Variants in IGBP1C observed in about 807,000 individuals in gnomAD.
The protein encoded by IGBP1C is IGBP1 family member C, also known as immunoglobulin-binding protein 1 family member C.
At chr17:58,687,765 C>T in the IGBP1C span, among the ~76,000 whole-genome samples, 1 of 152,158 alleles carries the variant, frequency 6.6e-6, no homozygotes, top group African/African-American at 2.4e-5. Flanking sequence ...GAAAATGTCT[C>T]GTTATTGGAA....
At chr17:58,661,504 A>G in the IGBP1C span, 2 of 780,678 alleles carry the variant, frequency 2.6e-6, no homozygotes, top group Non-Finnish European at 4.8e-6. Context: ...CGGTGGGTTC[A>G]GTCGCTCCTT....
At chr17:58,666,702 T>G in the IGBP1C span, 2 of 152,278 alleles carry the variant, frequency 1.3e-5, no homozygotes. Flanking sequence ...AATTATGAGG[T>G]ACTTGCGTGA....
chr17:58,689,733 T>C, the IGBP1C span, among the ~76,000 whole-genome samples: 1 of 152,122 alleles, frequency 6.6e-6, no homozygotes, highest in East Asian at 1.9e-4. Context: ...TAGTTCCTAG[T>C]GCGTGGTTTC....
chr17:58,683,052 CAAAA>C, the IGBP1C span, among the ~76,000 whole-genome samples: 3 of 54,038 alleles, frequency 5.6e-5, no homozygotes, highest in Middle Eastern at 0.018. Flanking sequence ...GAGTCTGTCT[CAAAA>C]AAAAAAAAAA....
At chr17:58,674,585 G>A in the IGBP1C span, among the ~76,000 whole-genome samples, 2 of 151,526 alleles carry the variant, frequency 1.3e-5, no homozygotes, top group Admixed American at 1.3e-4. Flanking sequence ...CACAAGAATC[G>A]CTTGAACCTG....
At chr17:58,683,939 C>T in the IGBP1C span, among the ~76,000 whole-genome samples, 1 of 150,978 alleles carries the variant, frequency 6.6e-6, no homozygotes, top group Non-Finnish European at 1.5e-5. Flanking sequence ...GTGGTGCATC[C>T]CTGTCATCCC....
At chr17:58,661,370 T>G in the IGBP1C span, 1 of 923,186 alleles carries the variant, frequency 1.1e-6, no homozygotes, top group East Asian at 2.4e-5. Context: ...GTACTTCAGG[T>G]CGGTGGAAGT....
the IGBP1C span, chr17:58,660,546 C>T: frequency 1.3e-6 from 1 of 769,860 alleles, no homozygotes; most frequent in Non-Finnish European, 2.4e-6. Context: ...GGAAGGTGTG[C>T]ACCCTGCAGT....
chr17:58,661,815 C>G, the IGBP1C span: 1 of 486,606 alleles, frequency 2.1e-6, no homozygotes, highest in Non-Finnish European at 3.6e-6. Context: ...AACTTTGTCT[C>G]TCTGTTTCCG....
the IGBP1C span, chr17:58,666,482 A>G: frequency 6.7e-6 from 1 of 150,098 alleles, no homozygotes; most frequent in African/African-American, 2.4e-5. Flanking sequence ...AAAAAAAAAA[A>G]AAAAAGCAAA....
At chr17:58,664,394 C>A in the IGBP1C span, among the ~76,000 whole-genome samples, 1 of 152,144 alleles carries the variant, frequency 6.6e-6, no homozygotes, top group Non-Finnish European at 1.5e-5. Flanking sequence ...ATTGTCTACT[C>A]CAGTATTTTT....
At chr17:58,681,616 G>A in the IGBP1C span, among the ~76,000 whole-genome samples, 20 of 152,096 alleles carry the variant, frequency 1.3e-4, no homozygotes, top group Admixed American at 8.5e-4. Flanking sequence ...GTGGGAGGCC[G>A]AGGCAGGTGG....
chr17:58,666,915 G>A, the IGBP1C span, among the ~76,000 whole-genome samples: 1 of 152,064 alleles, frequency 6.6e-6, no homozygotes, highest in Non-Finnish European at 1.5e-5. Flanking sequence ...TCCACCTCCC[G>A]GCGTGACGTC....
the IGBP1C span, chr17:58,675,390 G>C: frequency 6.5e-6 from 1 of 154,648 alleles, no homozygotes; most frequent in Non-Finnish European, 1.5e-5. Context: ...GCAGAACAAA[G>C]AGAATGCTGG....
the IGBP1C span, among the ~76,000 whole-genome samples, chr17:58,682,255 A>T: frequency 6.8e-6 from 1 of 146,068 alleles, no homozygotes; most frequent in African/African-American, 2.5e-5. Flanking sequence ...CAGGCCACAG[A>T]GTCTTTCTTT....
At chr17:58,667,399 C>CT in the IGBP1C span, among the ~76,000 whole-genome samples, 7 of 152,162 alleles carry the variant, frequency 4.6e-5, no homozygotes, top group African/African-American at 1.4e-4. Context: ...TAACGAACAG[C>CT]TTAAACCTTA....
chr17:58,669,097 A>G, the IGBP1C span, among the ~76,000 whole-genome samples: 7 of 152,182 alleles, frequency 4.6e-5, no homozygotes, highest in African/African-American at 1.7e-4. Flanking sequence ...CATGCCTATA[A>G]TCCCAGCACT....
At chr17:58,689,227 AATTT>A in the IGBP1C span, among the ~76,000 whole-genome samples, 1 of 147,320 alleles carries the variant, frequency 6.8e-6, no homozygotes, top group Non-Finnish European at 1.5e-5. Context: ...ACGCTCAGCT[AATTT>A]ATTTATTTTT....
the IGBP1C span, among the ~76,000 whole-genome samples, chr17:58,667,613 A>G: frequency 6.6e-6 from 1 of 152,202 alleles, no homozygotes; most frequent in South Asian, 2.1e-4. Context: ...GGCCGGGTGC[A>G]GTGGCTCACG....
Sources: gnomAD v4.1 joint callset for allele counts (sites outside exome capture counted in the v4.1 genomes callset) on GRCh38, gnomAD v4.1.1 for gene constraint, MANE v1.5 for transcripts, NCBI Gene and HGNC (gene_info 2026-07-23, HGNC 2026-07-21) for gene names.